Variants in CAST observed in about 807,000 individuals in gnomAD.
The protein encoded by CAST is calpastatin.
Under a neutral mutation model 119.6 loss-of-function variants are expected in CAST, and 76 were observed. That is an observed-to-expected ratio of 0.64 (90% confidence interval 0.53 to 0.77). CAST has a LOEUF of 0.77. Ranked by LOEUF, CAST falls within the 30% of genes least tolerant of loss-of-function variation. CAST has a pLI of 0.00. For synonymous variants in CAST, 319 were observed against 331.6 expected, an observed-to-expected ratio of 0.96 and a Z score of 0.41; for missense variants, 953 against 946.5, an observed-to-expected ratio of 1.01 and a Z score of -0.09.
intron 8 of CAST, among the ~76,000 whole-genome samples, chr5:96,730,572 A>G (rs1389199551): frequency 1.3e-5 from 2 of 152,160 alleles, no homozygotes; most frequent in Non-Finnish European, 2.9e-5. Flanking sequence ...GACCTACGCA[A>G]GTTACCTGCG....
intron 2 of CAST, among the ~76,000 whole-genome samples, chr5:96,685,162 G>A (rs1751936365): frequency 6.6e-6 from 1 of 151,690 alleles, no homozygotes; most frequent in African/African-American, 2.4e-5. Flanking sequence ...CCACCAAATT[G>A]TCTCTGAAGA....
At chr5:96,729,305 G>T (rs1581158053) in intron 7 of CAST, 96 bp downstream of exon 7, 1 of 704,672 alleles carries the variant, frequency 1.4e-6, no homozygotes, top group East Asian at 2.6e-5. Context: ...CCCTACAATG[G>T]ATAGTTGGAT....
At chr5:95,978,486 T>C in the CAST span, among the ~76,000 whole-genome samples, 12 of 152,354 alleles carry the variant, frequency 7.9e-5, no homozygotes, top group African/African-American at 2.9e-4. Flanking sequence ...GCTCACTTTT[T>C]TATGTGGTTG....
intron 2 of CAST, among the ~76,000 whole-genome samples, chr5:96,680,988 C>G (rs991912512): frequency 3.9e-5 from 6 of 152,226 alleles, no homozygotes; most frequent in African/African-American, 1.4e-4. Context: ...GGATATCTAG[C>G]CCCAAGAGGC....
chr5:96,434,299 C>CA, the CAST span, among the ~76,000 whole-genome samples: 1 of 152,168 alleles, frequency 6.6e-6, no homozygotes, highest in African/African-American at 2.4e-5. Context: ...CGGGAGATAC[C>CA]AGTGCCTAGT....
At chr5:96,418,970 T>TATC in the CAST span, among the ~76,000 whole-genome samples, 1 of 152,026 alleles carries the variant, frequency 6.6e-6, no homozygotes, top group Non-Finnish European at 1.5e-5. Context: ...CTGTGATCAT[T>TATC]ATCATCATCA....
the CAST span, among the ~76,000 whole-genome samples, chr5:96,156,296 G>A: frequency 1.2e-4 from 19 of 152,134 alleles, no homozygotes; most frequent in African/African-American, 3.4e-4. Flanking sequence ...GGTAATTCAC[G>A]ATGTGGTATG....
the CAST span, among the ~76,000 whole-genome samples, chr5:96,339,334 A>G: frequency 6.6e-6 from 1 of 152,218 alleles, no homozygotes. Flanking sequence ...ATAAAAAGCA[A>G]AACGTTTCTC....
At chr5:96,689,603 C>T (rs1004355767) in intron 2 of CAST, among the ~76,000 whole-genome samples, 8 of 152,148 alleles carry the variant, frequency 5.3e-5, no homozygotes, top group Non-Finnish European at 1.0e-4. Context: ...CACACACATG[C>T]GCCTTATGGC....
the CAST span, among the ~76,000 whole-genome samples, chr5:96,309,518 C>T: frequency 6.6e-6 from 1 of 152,320 alleles, no homozygotes; most frequent in South Asian, 2.1e-4. Context: ...AATTCCTGCA[C>T]CTAGTTCGGT....
chr5:96,345,978 C>T, the CAST span, among the ~76,000 whole-genome samples: 1 of 152,134 alleles, frequency 6.6e-6, no homozygotes, highest in East Asian at 1.9e-4. Context: ...GAGGATTACA[C>T]AACAGTGTGA....
chr5:96,115,782 A>T, the CAST span, among the ~76,000 whole-genome samples: 1 of 152,206 alleles, frequency 6.6e-6, no homozygotes, highest in African/African-American at 2.4e-5. Flanking sequence ...CATATCACAG[A>T]TGTACAATGT....
At chr5:96,200,020 C>T in the CAST span, among the ~76,000 whole-genome samples, 1 of 152,058 alleles carries the variant, frequency 6.6e-6, no homozygotes, top group Admixed American at 6.5e-5. Flanking sequence ...TAAGGCCACT[C>T]TATAACTGGA....
chr5:96,079,340 T>C, the CAST span: 41 of 296,980 alleles, frequency 1.4e-4, no homozygotes, highest in Non-Finnish European at 2.8e-4. Context: ...AATGATTCAA[T>C]ATCCTGGCAA....
At chr5:96,349,207 C>A in the CAST span, among the ~76,000 whole-genome samples, 1 of 130,190 alleles carries the variant, frequency 7.7e-6, no homozygotes, top group Non-Finnish European at 1.6e-5. Context: ...TCAATTAGGA[C>A]AATTTGCAAA....
chr5:96,099,463 G>C, the CAST span, among the ~76,000 whole-genome samples: 1 of 152,270 alleles, frequency 6.6e-6, no homozygotes, highest in Middle Eastern at 3.4e-3. Context: ...CTGTGGGTTT[G>C]TCATATATGG....
At chr5:96,142,421 T>A in the CAST span, among the ~76,000 whole-genome samples, 2 of 152,024 alleles carry the variant, frequency 1.3e-5, no homozygotes, top group Non-Finnish European at 2.9e-5. Context: ...CTCAAAAAAA[T>A]TTTTGAGTTG....
chr5:96,386,037 A>G, the CAST span, among the ~76,000 whole-genome samples: 13 of 152,338 alleles, frequency 8.5e-5, 1 homozygote, highest in African/African-American at 3.1e-4. Context: ...TCCTCAAAAT[A>G]AGGACAATAA....
the CAST span, among the ~76,000 whole-genome samples, chr5:96,505,999 AG>A: frequency 2.0e-5 from 3 of 152,368 alleles, no homozygotes; most frequent in South Asian, 6.2e-4. Flanking sequence ...CACTAGAGAA[AG>A]AAGAGATTTT....
Sources: allele counts gnomAD v4.1 joint callset (sites outside exome capture counted in the v4.1 genomes callset), GRCh38; gene constraint gnomAD v4.1.1; transcripts MANE v1.5; gene names NCBI Gene and HGNC (gene_info 2026-07-23, HGNC 2026-07-21).